Variants in ANKRD36B observed in about 807,000 individuals in gnomAD.
The protein encoded by ANKRD36B is ankyrin repeat domain-containing protein 36B.
ANKRD36B carries 37 observed loss-of-function variants against 135.7 expected under a neutral mutation model. That is an observed-to-expected ratio of 0.27 (90% CI 0.21 to 0.36). The LOEUF (loss-of-function observed/expected upper bound fraction) is 0.36. Ranked by LOEUF, ANKRD36B falls within the 10% of genes least tolerant of loss-of-function variation. ANKRD36B has a pLI of 1.00. For missense variants in ANKRD36B, 549 were observed against 1,037.1 expected, an observed-to-expected ratio of 0.53 and a Z score of 6.46; for synonymous variants, 179 against 348.1, an observed-to-expected ratio of 0.51 and a Z score of 5.41.
rs540869554 is a variant in ANKRD36B, at chr2:97,533,998, A to G, written c.2192-1614T>C. 2.0e-4 allele frequency among the ~76,000 whole-genome samples: 18 copies of G among 91,612 alleles called. 5 individuals carry two copies. The highest frequency in any genetic ancestry group is 5.9e-4 in the African/African-American group (18 of 30,376). 60.1% of individuals were successfully genotyped at this position (91,612 alleles called of 152,430 possible). A position where few individuals can be genotyped will look rare whatever the true frequency, so the allele number is the denominator to read the frequency against. On this transcript the variant is annotated intron_variant, in intron 34 of 43. Transcript: ENST00000359901. ...TTTAACCCGGGAGGTAGAGGTTGCA[A>G]TGAGCCGAGATTGTGCCATTGCACT... is the stretch of plus-strand genomic sequence containing the variant.
At chr2:97,525,818 G>C (rs2078172180) in intron 35 of ANKRD36B, among the ~76,000 whole-genome samples, 1 of 97,992 alleles carries the variant, frequency 1.0e-5, no homozygotes, top group Non-Finnish European at 2.7e-5. Flanking sequence ...AGCAGTCTGA[G>C]ATCAAACTGC....
chr2:97,587,602 A>G (rs2083108241), intron 1 of ANKRD36B, among the ~76,000 whole-genome samples: 1 of 152,212 alleles, frequency 6.6e-6, no homozygotes, highest in African/African-American at 2.4e-5. Flanking sequence ...ATACACTGCT[A>G]TTTTAAGCAG....
At chr2:97,572,391 A>C (rs1329343153) in intron 6 of ANKRD36B, among the ~76,000 whole-genome samples, 1 of 134,566 alleles carries the variant, frequency 7.4e-6, no homozygotes, top group Admixed American at 7.5e-5. Context: ...GAAGAAATAT[A>C]ATACCAGAAA....
At chr2:97,531,968 G>T (rs2104460029) in intron 35 of ANKRD36B, among the ~76,000 whole-genome samples, 1 of 95,376 alleles carries the variant, frequency 1.0e-5, no homozygotes, top group African/African-American at 3.1e-5. Context: ...ATCCAGTACG[G>T]TGGTCATCAC....
intron 43 of ANKRD36B, among the ~76,000 whole-genome samples, chr2:97,496,833 G>GTGTATATATATATA (rs373304719): frequency 9.7e-5 from 6 of 62,088 alleles, no homozygotes; most frequent in African/African-American, 5.3e-4. Flanking sequence ...ATATGTGTGT[G>GTGTATATATATATA]TATATATATA....
At chr2:97,570,108 T>C (rs1443854405) in intron 6 of ANKRD36B, among the ~76,000 whole-genome samples, 1 of 152,204 alleles carries the variant, frequency 6.6e-6, no homozygotes, top group Non-Finnish European at 1.5e-5. Context: ...AATTACCTAA[T>C]ATTGCCATAG....
chr2:97,541,419 TTC>T (rs2079144504), intron 28 of ANKRD36B, among the ~76,000 whole-genome samples: 1 of 96,158 alleles, frequency 1.0e-5, no homozygotes, highest in African/African-American at 3.1e-5. Flanking sequence ...CATAAATAAC[TTC>T]TTCTTTTCTC....
intron 5 of ANKRD36B, among the ~76,000 whole-genome samples, chr2:97,578,605 T>G (rs1247853280): frequency 6.6e-6 from 1 of 151,978 alleles, no homozygotes; most frequent in Non-Finnish European, 1.5e-5. Flanking sequence ...GTGAAACTAC[T>G]TTACCCTATG....
At chr2:97,550,417 A>G (rs976046591) in intron 18 of ANKRD36B, among the ~76,000 whole-genome samples, 1 of 151,898 alleles carries the variant, frequency 6.6e-6, no homozygotes, top group African/African-American at 2.4e-5. Context: ...GACAATGATC[A>G]CTCTAGGACT....
At chr2:97,550,416 C>G (rs143732968) in intron 18 of ANKRD36B, among the ~76,000 whole-genome samples, 2 of 151,994 alleles carry the variant, frequency 1.3e-5, no homozygotes, top group African/African-American at 4.8e-5. Context: ...TGACAATGAT[C>G]ACTCTAGGAC....
intron 24 of ANKRD36B, among the ~76,000 whole-genome samples, chr2:97,545,068 G>T (rs1979104): frequency 0.19 from 18,186 of 94,880 alleles, 6,780 homozygotes; most frequent in Middle Eastern, 0.35. Context: ...TTCCAGTAGT[G>T]CCTGGAGCTG....
intron 16 of ANKRD36B, among the ~76,000 whole-genome samples, chr2:97,552,444 C>T (rs967619534): frequency 3.3e-5 from 5 of 152,024 alleles, no homozygotes; most frequent in Non-Finnish European, 5.9e-5. Context: ...AAGTTTATCT[C>T]ATTTCTATAA....
chr2:97,572,301 GA>G (rs1477863083), intron 6 of ANKRD36B, among the ~76,000 whole-genome samples: 2 of 147,406 alleles, frequency 1.4e-5, no homozygotes. Context: ...AAAAAATCAA[GA>G]AACTTATATA....
At chr2:97,555,318 A>C (rs1162879433) in intron 12 of ANKRD36B, 64 bp from the exon 13 acceptor site, 1 of 1,600,030 alleles carries the variant, frequency 6.2e-7, no homozygotes, top group Non-Finnish European at 8.5e-7. Context: ...CCATACATTC[A>C]TGAAATGTTA....
At chr2:97,567,768 A>T (rs1163328250) in intron 6 of ANKRD36B, among the ~76,000 whole-genome samples, 1 of 152,156 alleles carries the variant, frequency 6.6e-6, no homozygotes, top group Non-Finnish European at 1.5e-5. Context: ...TCAAGTGCAT[A>T]CACATTATAT....
At chr2:97,560,343 A>C (rs78946448) in intron 8 of ANKRD36B, among the ~76,000 whole-genome samples, 62 of 151,996 alleles carry the variant, frequency 4.1e-4, no homozygotes, top group African/African-American at 1.5e-3. Flanking sequence ...ACTTCATCTC[A>C]TTCTCTTTCC....
chr2:97,570,894 T>A (rs1396142356), intron 6 of ANKRD36B, among the ~76,000 whole-genome samples: 1 of 152,242 alleles, frequency 6.6e-6, no homozygotes. Context: ...TTTAAGGTGA[T>A]GTGACCTGTG....
At chr2:97,580,677 G>GT (rs1165290823) in intron 3 of ANKRD36B, 109 bp from the exon 4 acceptor site, 17 of 987,852 alleles carry the variant, frequency 1.7e-5, no homozygotes, top group Non-Finnish European at 2.1e-5. Flanking sequence ...TTGAAAGGTC[G>GT]TAAGAGGTAG....
chr2:97,514,703 T>C (rs1381601523), intron 37 of ANKRD36B, among the ~76,000 whole-genome samples: 1 of 91,638 alleles, frequency 1.1e-5, no homozygotes, highest in African/African-American at 3.3e-5. Context: ...GATTAGTATG[T>C]ACTTTATAAC....
Sources: gnomAD v4.1 joint callset for allele counts (sites outside exome capture counted in the v4.1 genomes callset) on GRCh38, gnomAD v4.1.1 for gene constraint, MANE v1.5 for transcripts, NCBI Gene and HGNC (gene_info 2026-07-23, HGNC 2026-07-21) for gene names.